TMEM232: variants seen among roughly 807,000 people sequenced by gnomAD.
TMEM232 encodes transmembrane protein 232.
TMEM232 carries 80 observed loss-of-function variants against 78.8 expected under a neutral mutation model. The observed-to-expected ratio is 1.01, with a 90% CI of 0.85 to 1.22. The LOEUF (loss-of-function observed/expected upper bound fraction) is 1.22, where lower values mean the gene tolerates loss of function less well. Among genes scored for constraint, TMEM232 ranks in the 50% most tolerant of loss-of-function variants. The pLI, the probability that TMEM232 is intolerant of heterozygous loss-of-function variation, is 0.00. For synonymous variants in TMEM232, 297 were observed against 254.3 expected (o/e 1.17, Z -1.60); for missense variants, 881 against 742.2 (o/e 1.19, Z -2.17).
chr5:110,551,444 TG>T (rs1333941418), intron 11 of TMEM232, among the ~76,000 whole-genome samples: 1 of 151,782 alleles, frequency 6.6e-6, no homozygotes, highest in African/African-American at 2.4e-5. Context: ...AGGATGGTCT[TG>T]AACTCCTGAC....
At chr5:110,390,470 T>C (rs562750853) in exon 4 of TMEM232, 1 of 152,362 alleles carries the variant, frequency 6.6e-6, no homozygotes, top group Non-Finnish European at 1.5e-5. Context: ...TGGGAAAATC[T>C]GAGCTGAGTC....
chr5:110,447,219 A>G (rs1759755976), intron 12 of TMEM232, among the ~76,000 whole-genome samples: 1 of 151,978 alleles, frequency 6.6e-6, no homozygotes, highest in Non-Finnish European at 1.5e-5. Flanking sequence ...AATCAAAGAA[A>G]GTTGATTGGT....
At chr5:110,449,416 C>T (rs1317922124) in intron 12 of TMEM232, among the ~76,000 whole-genome samples, 1 of 151,918 alleles carries the variant, frequency 6.6e-6, no homozygotes, top group African/African-American at 2.4e-5. Context: ...ATAAAAGAAA[C>T]ATATACCATA....
chr5:110,675,983 T>C (rs1018030642), intron 1 of TMEM232, among the ~76,000 whole-genome samples: 1 of 152,220 alleles, frequency 6.6e-6, no homozygotes, highest in Non-Finnish European at 1.5e-5. Context: ...ATGAGTTTGA[T>C]AGTTTTAGAT....
chr5:110,579,057 T>G (rs576902444), intron 10 of TMEM232, among the ~76,000 whole-genome samples: 14 of 151,876 alleles, frequency 9.2e-5, no homozygotes, highest in African/African-American at 3.1e-4. Context: ...ACACATTATA[T>G]TCTAGATATC....
At chr5:110,408,778 G>A (rs1361822518) in intron 2 of TMEM232, among the ~76,000 whole-genome samples, 2 of 152,006 alleles carry the variant, frequency 1.3e-5, no homozygotes, top group South Asian at 2.1e-4. Context: ...AGTCATTAGA[G>A]ATTATTATGA....
chr5:110,680,029 A>G (rs1792518324), intron 1 of TMEM232, among the ~76,000 whole-genome samples: 1 of 152,172 alleles, frequency 6.6e-6, no homozygotes, highest in African/African-American at 2.4e-5. Flanking sequence ...CTCCAGACCT[A>G]TTACATTTAG....
chr5:110,680,236 T>G (rs1223583229), intron 1 of TMEM232, among the ~76,000 whole-genome samples: 3 of 151,658 alleles, frequency 2.0e-5, no homozygotes, highest in Admixed American at 6.6e-5. Flanking sequence ...CCTTCTCTAC[T>G]AAAAATAAAA....
intron 10 of TMEM232, among the ~76,000 whole-genome samples, chr5:110,600,898 G>A (rs1780800008): frequency 1.3e-5 from 2 of 152,086 alleles, no homozygotes. Context: ...ACACCGATGT[G>A]AAAATCCTCA....
intron 1 of TMEM232, among the ~76,000 whole-genome samples, chr5:110,712,962 T>C (rs1796646458): frequency 6.6e-6 from 1 of 152,206 alleles, no homozygotes; most frequent in Non-Finnish European, 1.5e-5. Context: ...TGCACTCTCA[T>C]GTTTGTTATA....
In TMEM232 at chr5:110,544,792, C is replaced by G. The variant is rs898384008; in HGVS notation, c.1456-15957G>C. ...AGTTGTGAAAGCTCACAAAGGAGAA[C>G]AGCATGAGTAATTCCTTGCTACTAA... On this transcript the variant is annotated intron_variant, in intron 11 of 13. Coordinates refer to ENST00000455884, the MANE Select transcript of TMEM232 (RefSeq NM_001039763.4). Among the ~76,000 whole-genome samples, 11 of 152,148 alleles carry G rather than the reference C, an allele frequency of 7.2e-5. No homozygotes were observed. The East Asian group carries it at 2.1e-3, about 29-fold the overall frequency.
At chr5:110,571,728 C>A (rs959060090) in intron 10 of TMEM232, among the ~76,000 whole-genome samples, 3 of 150,674 alleles carry the variant, frequency 2.0e-5, no homozygotes, top group Non-Finnish European at 4.4e-5. Flanking sequence ...CATAGTGGTG[C>A]ACATCTGTAG....
chr5:110,645,826 C>A (rs989432208), intron 2 of TMEM232, among the ~76,000 whole-genome samples: 1 of 150,668 alleles, frequency 6.6e-6, no homozygotes, highest in African/African-American at 2.5e-5. Flanking sequence ...AGATAATCCA[C>A]AAAAATCTCT....
intron 12 of TMEM232, among the ~76,000 whole-genome samples, chr5:110,472,091 G>T (rs1762751993): frequency 6.6e-6 from 1 of 151,908 alleles, no homozygotes; most frequent in Admixed American, 6.6e-5. Context: ...ATCCACATAG[G>T]AAAGGAGGAA....
intron 10 of TMEM232, among the ~76,000 whole-genome samples, chr5:110,594,411 G>GT (rs574921072): frequency 2.4e-4 from 36 of 151,900 alleles, no homozygotes; most frequent in Non-Finnish European, 3.7e-4. Context: ...AGCTGCAGGA[G>GT]TTTTTTTTCA....
intron 10 of TMEM232, among the ~76,000 whole-genome samples, chr5:110,582,109 A>G (rs983199455): frequency 1.3e-5 from 2 of 152,086 alleles, no homozygotes; most frequent in African/African-American, 4.8e-5. Flanking sequence ...GAGATTTCTC[A>G]AAGTTCTTAA....
intron 11 of TMEM232, among the ~76,000 whole-genome samples, chr5:110,558,846 C>T (rs1581209729): frequency 1.3e-5 from 2 of 152,178 alleles, no homozygotes; most frequent in African/African-American, 4.8e-5. Context: ...TCTACAGGTC[C>T]ATGGCAAGAG....
At chr5:110,461,920 A>C (rs994572919) in intron 12 of TMEM232, among the ~76,000 whole-genome samples, 12 of 152,198 alleles carry the variant, frequency 7.9e-5, no homozygotes, top group Admixed American at 2.6e-4. Context: ...GTTATTGCCC[A>C]TTGACAATGC....
At position 110,459,478 on chromosome 5, in the gene TMEM232, A is replaced by G. The variant is rs117458665; in HGVS notation, c.1704-34562T>C. ...TTAAAAATATTATGAGAGCATGCCT[A>G]TAGGCCATCCAAATTAAAAAATGAA... is the stretch of plus-strand genomic sequence containing the variant. On this transcript the variant is annotated intron_variant, in intron 12 of 13. Coordinates refer to ENST00000455884, the MANE Select transcript of TMEM232 (RefSeq NM_001039763.4). 1.1e-4 allele frequency among the ~76,000 whole-genome samples: 17 copies of G among 152,298 alleles called. 1 individual carries two copies. The East Asian group carries it at 2.9e-3, about 26-fold the overall frequency.
Sources: allele counts gnomAD v4.1 joint callset (sites outside exome capture counted in the v4.1 genomes callset), GRCh38; gene constraint gnomAD v4.1.1; transcripts MANE v1.5; gene names NCBI Gene and HGNC (gene_info 2026-07-23, HGNC 2026-07-21).